The following CCT7 variants were observed in gnomAD, a reference collection of about 807,000 sequenced individuals.
CCT7 encodes T-complex protein 1 subunit eta.
CCT7 carries 16 observed loss-of-function variants against 56.6 expected under a neutral mutation model. That is an observed-to-expected ratio of 0.28 (90% confidence interval 0.19 to 0.43). The LOEUF (loss-of-function observed/expected upper bound fraction) is 0.43, where lower values mean the gene tolerates loss of function less well. CCT7 is among the 20% of genes least tolerant of loss of function. CCT7 has a pLI of 1.00. For missense variants in CCT7, 519 were observed against 685.6 expected (o/e 0.76, Z 2.71); for synonymous variants, 262 against 254.8 (o/e 1.03, Z -0.27).
rs116107695 is a variant in CCT7, at chr2:73,236,108, C to G, written c.6+1724C>G. On this transcript the variant is annotated intron_variant, in intron 1 of 11. Transcript: ENST00000258091. The stretch of plus-strand genomic sequence containing the variant: ...AATCGAAAGAGAGGTGAAAAGGTCC[C>G]CTGAAACCTCAGTCCTGTGATGTTG... Among the ~76,000 whole-genome samples, 327 of 152,320 alleles carry G rather than the reference C, an allele frequency of 2.1e-3. 4 individuals carry two copies. The highest frequency in any genetic ancestry group is 7.4e-3 in the African/African-American group (309 of 41,548).
At chr2:73,250,088 T>G (rs1687507998) in intron 9 of CCT7, among the ~76,000 whole-genome samples, 172 bp downstream of exon 9, 1 of 152,230 alleles carries the variant, frequency 6.6e-6, no homozygotes, top group South Asian at 2.1e-4. Flanking sequence ...TATACAGGAT[T>G]ACAGGAAGAT....
chr2:73,250,336 C>G lies in CCT7; in HGVS notation c.1101C>G (p.Ala367=). 6.2e-7 allele frequency: 1 copy of G among 1,614,070 alleles called. No individual in the cohort carries two copies. The highest frequency in any genetic ancestry group is 8.5e-7 in the Non-Finnish European group (1 of 1,180,012). ...RYNFFTGCPK[A]KTCTFILRGG... ...ATTTTTTTACTGGCTGCCCCAAGGC[C>G]AAGACATGCACCTTCATTCTCCGTG... Residue 367 remains alanine, a synonymous_variant, in exon 10 of 12, where the codon GCC becomes GCG. Coordinates refer to ENST00000258091, the MANE Select transcript of CCT7 (RefSeq NM_006429.4).
intron 4 of CCT7, 142 bp downstream of exon 4, chr2:73,243,271 G>A (rs1687193119): frequency 1.2e-6 from 1 of 854,158 alleles, no homozygotes; most frequent in African/African-American, 1.7e-5. Context: ...AGTAATCTCA[G>A]TTCTACTAAT....
At chr2:73,239,589 C>T in intron 1 of CCT7, 54 bp from the exon 2 acceptor site, 2 of 1,523,202 alleles carry the variant, frequency 1.3e-6, no homozygotes, top group South Asian at 1.2e-5. Context: ...TTTCCCCTGC[C>T]AGTCTCATTA....
At chr2:73,248,312 C>G (rs1056969593) in intron 7 of CCT7, among the ~76,000 whole-genome samples, 1 of 151,508 alleles carries the variant, frequency 6.6e-6, no homozygotes, top group Non-Finnish European at 1.5e-5. Context: ...CTGGAGGTAG[C>G]CATGTCACCC....
chr2:73,242,339 G>A (rs1687153548), intron 3 of CCT7, among the ~76,000 whole-genome samples: 1 of 152,240 alleles, frequency 6.6e-6, no homozygotes, highest in East Asian at 1.9e-4. Flanking sequence ...GAGTGCTGTG[G>A]TGCGATCTTG....
In CCT7 at chr2:73,239,549, T is replaced by G. The variant is rs1448566939; in HGVS notation, c.7-94T>G. 3 of 1,151,152 alleles carry G rather than the reference T, an allele frequency of 2.6e-6. No homozygotes were observed. In the Admixed American group the frequency reaches 6.7e-5, roughly 26 times the overall value. The allele number at this position is 1,151,152 out of a possible 1,614,324, so 71.3% of individuals were successfully genotyped here. A position where few individuals can be genotyped will look rare whatever the true frequency, so the allele number is the denominator to read the frequency against. On this transcript the variant is annotated intron_variant, in intron 1 of 11. Transcript: ENST00000258091. ...GTTTAAGAAGACCTCTAGATAATTC[T>G]GTTAAGGGAGAGATGGGAGCATTTT...
chr2:73,239,835 G>C, intron 2 of CCT7, 39 bp downstream of exon 2: 1 of 1,599,150 alleles, frequency 6.3e-7, no homozygotes, highest in Non-Finnish European at 8.6e-7. Flanking sequence ...GTGCAGGAAA[G>C]GAGGCTCCTG....
At chr2:73,237,909 C>T (rs916239586) in intron 1 of CCT7, among the ~76,000 whole-genome samples, 4 of 152,010 alleles carry the variant, frequency 2.6e-5, no homozygotes, top group Admixed American at 1.3e-4. Flanking sequence ...AAAAATTAGC[C>T]AGGTGTGGTA....
At chr2:73,251,199 C>G in intron 10 of CCT7, 27 bp from the exon 11 acceptor site, 2 of 1,607,230 alleles carry the variant, frequency 1.2e-6, no homozygotes, top group East Asian at 4.5e-5. Context: ...GGCCCTCTTA[C>G]ATTGAGAGGT....
intron 1 of CCT7, chr2:73,237,684 A>G (rs1412862068): frequency 6.6e-6 from 1 of 152,214 alleles, no homozygotes; most frequent in Non-Finnish European, 1.5e-5. Flanking sequence ...GCCTGATCCC[A>G]AATGTAGGGG....
At chr2:73,248,138 G>T (rs574150597) in intron 7 of CCT7, among the ~76,000 whole-genome samples, 2 of 152,252 alleles carry the variant, frequency 1.3e-5, no homozygotes, top group Admixed American at 6.5e-5. Flanking sequence ...GTTGAAATAC[G>T]CTGTGGTCCT....
intron 8 of CCT7, 41 bp downstream of exon 8, chr2:73,249,220 C>T (rs748451568): frequency 2.6e-6 from 4 of 1,531,990 alleles, no homozygotes; most frequent in Non-Finnish European, 3.6e-6. Flanking sequence ...CCTTTGTGGC[C>T]CTGAAGGGTT....
chr2:73,239,105 C>T (rs1305945243), intron 1 of CCT7: 1 of 152,428 alleles, frequency 6.6e-6, no homozygotes, highest in African/African-American at 2.4e-5. Context: ...TGCCTGTTTT[C>T]CTACACTGCA....
At position 73,247,779 on chromosome 2, in the gene CCT7, T is replaced by C. The variant is rs2103797910; in HGVS notation, c.636T>C (p.Ala212=). Residue 212 remains alanine, a synonymous_variant, in exon 7 of 12, where the codon GCT becomes GCC. Transcript: ENST00000258091. ...GGALEDSQLV[A]GVAFKKTFSY... ...TAAAACAGGATTCTCAGCTGGTAGC[T>C]GGTGTTGCATTCAAGAAGACTTTCT... 6.2e-7 allele frequency: 1 copy of C among 1,614,022 alleles called. No individual in the cohort carries two copies. The highest frequency in any genetic ancestry group is 2.2e-5 in the East Asian group (1 of 44,874).
chr2:73,249,417 TAA>T (rs1393081476), intron 8 of CCT7, among the ~76,000 whole-genome samples: 1 of 152,206 alleles, frequency 6.6e-6, no homozygotes, highest in Non-Finnish European at 1.5e-5. Context: ...AACCTAGCAG[TAA>T]TGCTATGATT....
chr2:73,245,394 T>C (rs1362666358), intron 6 of CCT7, among the ~76,000 whole-genome samples: 3 of 152,184 alleles, frequency 2.0e-5, no homozygotes, highest in South Asian at 2.1e-4. Flanking sequence ...TTCTGTAGGG[T>C]GGTGGGACTG....
At position 73,251,079 on chromosome 2, in the gene CCT7, A is replaced by G. The variant is rs72905378; in HGVS notation, c.1204-147A>G. On this transcript the variant is annotated intron_variant, in intron 10 of 11. Coordinates refer to ENST00000258091, the MANE Select transcript of CCT7 (RefSeq NM_006429.4). ...AGGTTGAAGTTGGGATGTTCTAGAT[A>G]GGGGCTGTGTCTGGGCGTTTGGGGC... is the stretch of plus-strand genomic sequence containing the variant. 2.7e-3 allele frequency: 1,832 copies of G among 679,402 alleles called. 29 individuals are homozygous for G. Among genetic ancestry groups the G allele is most frequent in the African/African-American group, 0.027 (1,498 of 55,882 alleles). The allele number at this position is 679,402 out of a possible 1,614,324, so 42.1% of individuals were successfully genotyped here.
At chr2:73,251,727 C>T (rs1250009283) in intron 11 of CCT7, among the ~76,000 whole-genome samples, 1 of 152,198 alleles carries the variant, frequency 6.6e-6, no homozygotes, top group Admixed American at 6.5e-5. Flanking sequence ...ATCATGAGGT[C>T]AGGAGTTCGA....
Sources: allele counts gnomAD v4.1 joint callset (sites outside exome capture counted in the v4.1 genomes callset), GRCh38; gene constraint gnomAD v4.1.1; transcripts MANE v1.5; gene names NCBI Gene and HGNC (gene_info 2026-07-23, HGNC 2026-07-21).